The following STX8 variants were observed in gnomAD, a reference collection of about 807,000 sequenced individuals.
STX8 encodes the protein syntaxin 8.
A neutral mutation model predicts 37.5 loss-of-function variants in STX8; 23 were observed. The observed-to-expected ratio is 0.61, with a 90% CI of 0.44 to 0.87. The LOEUF is 0.87. Among genes scored for constraint, STX8 ranks in the 40% least tolerant of loss-of-function variants. STX8 has a pLI of 0.00. For synonymous variants in STX8, 115 were observed against 99.1 expected (o/e 1.16, Z -0.95); for missense variants, 313 against 284.7 (o/e 1.10, Z -0.71).
At chr17:9,493,644 C>T (rs745655594) in intron 5 of STX8, among the ~76,000 whole-genome samples, 8 of 152,344 alleles carry the variant, frequency 5.3e-5, no homozygotes, top group East Asian at 1.9e-4. Flanking sequence ...GCCCTAGGGG[C>T]GTGGGCTCCT....
chr17:9,326,578 C>G (rs1261801941), intron 7 of STX8, among the ~76,000 whole-genome samples: 1 of 152,172 alleles, frequency 6.6e-6, no homozygotes, highest in Non-Finnish European at 1.5e-5. Context: ...AAGTTGGACT[C>G]TGGTGGAGTT....
At chr17:9,362,246 C>T (rs1401552892) in intron 7 of STX8, among the ~76,000 whole-genome samples, 2 of 152,176 alleles carry the variant, frequency 1.3e-5, no homozygotes, top group Non-Finnish European at 2.9e-5. Context: ...ATAAGAATCG[C>T]TTGAACCAGG....
At chr17:9,470,067 T>C (rs1199456728) in intron 6 of STX8, 1 of 152,214 alleles carries the variant, frequency 6.6e-6, no homozygotes, top group Non-Finnish European at 1.5e-5. Flanking sequence ...CTACCTTTGA[T>C]GTCAATTCAG....
intron 5 of STX8, among the ~76,000 whole-genome samples, chr17:9,499,434 C>T (rs1447438275): frequency 6.6e-6 from 1 of 152,120 alleles, no homozygotes; most frequent in Non-Finnish European, 1.5e-5. Context: ...CAGTCTTGCC[C>T]TGTCGCCAGG....
At chr17:9,494,501 T>TA (rs1401424654) in intron 5 of STX8, among the ~76,000 whole-genome samples, 2 of 149,972 alleles carry the variant, frequency 1.3e-5, no homozygotes, top group African/African-American at 4.9e-5. Flanking sequence ...CGCATGCCTA[T>TA]AGTCCCAGCT....
intron 6 of STX8, 56 bp downstream of exon 6, chr17:9,491,773 A>G (rs1906860614): frequency 7.0e-7 from 1 of 1,421,952 alleles, no homozygotes. Flanking sequence ...ACAAATGCTC[A>G]AGCCTTTAGT....
chr17:9,396,724 A>AG (rs1453417047), intron 6 of STX8, among the ~76,000 whole-genome samples: 1 of 152,068 alleles, frequency 6.6e-6, no homozygotes, highest in East Asian at 1.9e-4. Flanking sequence ...GAAAAAAAAA[A>AG]AAAACAACTC....
At chr17:9,394,841 G>A (rs1287383216) in intron 6 of STX8, among the ~76,000 whole-genome samples, 1 of 151,590 alleles carries the variant, frequency 6.6e-6, no homozygotes, top group African/African-American at 2.4e-5. Context: ...GCCGAGGCAG[G>A]TGAATCACGA....
intron 7 of STX8, among the ~76,000 whole-genome samples, chr17:9,261,872 G>C (rs771305713): frequency 1.3e-5 from 2 of 152,166 alleles, no homozygotes; most frequent in African/African-American, 2.4e-5. Flanking sequence ...AGAAATTCAA[G>C]TGTCTTTGAA....
chr17:9,544,828 TA>T (rs1271932232), intron 4 of STX8, among the ~76,000 whole-genome samples: 1 of 151,724 alleles, frequency 6.6e-6, no homozygotes, highest in African/African-American at 2.4e-5. Context: ...CCATCTCTAC[TA>T]AAAATACAAA....
chr17:9,342,590 C>T lies in STX8; in HGVS notation c.643+35962G>A, dbSNP rs779561316. Among the ~76,000 whole-genome samples, 11 of 152,218 alleles carry T rather than the reference C, an allele frequency of 7.2e-5. 1 individual carries two copies. The highest frequency in any genetic ancestry group is 6.8e-3 in the Middle Eastern group (2 of 294). On this transcript the variant is annotated intron_variant, in intron 7 of 7. Coordinates refer to ENST00000306357, the MANE Select transcript of STX8 (RefSeq NM_004853.3). ...TGCCAAACACAAATACCGGTGTGGG[C>T]TGGCTTCTTGTCTGGGTTTCAAGTG... is the stretch of plus-strand genomic sequence containing the variant.
At chr17:9,411,446 CG>C (rs1468184789) in intron 6 of STX8, among the ~76,000 whole-genome samples, 5 of 152,182 alleles carry the variant, frequency 3.3e-5, no homozygotes, top group African/African-American at 1.2e-4. Context: ...GGCTATAAAA[CG>C]AATGTTCTCA....
intron 6 of STX8, among the ~76,000 whole-genome samples, chr17:9,477,887 T>C (rs972085036): frequency 6.6e-6 from 1 of 152,220 alleles, no homozygotes; most frequent in Non-Finnish European, 1.5e-5. Context: ...CCCATAAAGC[T>C]GTCATTTCCC....
At chr17:9,257,916 G>A (rs766202765) in intron 7 of STX8, among the ~76,000 whole-genome samples, 31 of 152,234 alleles carry the variant, frequency 2.0e-4, no homozygotes, top group Non-Finnish European at 2.9e-5. Context: ...TTGAACCCGG[G>A]AGGAGGAGGT....
intron 7 of STX8, among the ~76,000 whole-genome samples, chr17:9,272,899 G>C (rs1017305223): frequency 1.3e-5 from 2 of 152,118 alleles, no homozygotes; most frequent in African/African-American, 4.8e-5. Flanking sequence ...CACACTCTCC[G>C]CGCCATTCCT....
intron 6 of STX8, among the ~76,000 whole-genome samples, chr17:9,460,045 T>G (rs1905310396): frequency 6.6e-6 from 1 of 152,104 alleles, no homozygotes; most frequent in Admixed American, 6.5e-5. Context: ...GAAGGCCATG[T>G]TTGGGGTTGA....
rs539311824 is a variant in STX8, at chr17:9,544,227, T to C, written c.323+945A>G. ...AGAGGCGGGTTTCCACCCAAGCTCA[T>C]TGCCTTCTGTGATGGTTCCCACGAT... On this transcript the variant is annotated intron_variant, in intron 4 of 7. Transcript: ENST00000306357. 2.6e-4 allele frequency among the ~76,000 whole-genome samples: 40 copies of C among 152,316 alleles called. No homozygotes were observed. The South Asian group carries it at 7.5e-3, about 28-fold the overall frequency.
At chr17:9,432,309 C>T (rs1914013114) in intron 6 of STX8, among the ~76,000 whole-genome samples, 1 of 152,130 alleles carries the variant, frequency 6.6e-6, no homozygotes, top group South Asian at 2.1e-4. Context: ...CCAGAGCTTG[C>T]AAGCAGATGT....
At chr17:9,301,386 T>TA (rs1908774774) in intron 7 of STX8, among the ~76,000 whole-genome samples, 1 of 152,170 alleles carries the variant, frequency 6.6e-6, no homozygotes, top group African/African-American at 2.4e-5. Flanking sequence ...ATCATGTTAA[T>TA]ATGTTTCCTA....
Sources: gnomAD v4.1 joint callset for allele counts (sites outside exome capture counted in the v4.1 genomes callset) on GRCh38, gnomAD v4.1.1 for gene constraint, MANE v1.5 for transcripts, NCBI Gene and HGNC (gene_info 2026-07-23, HGNC 2026-07-21) for gene names.